Variants in ABCC1 observed in about 807,000 individuals in gnomAD.
ABCC1 encodes the protein ATP binding cassette subfamily C member 1 (ABCC1 blood group), also known as multidrug resistance-associated protein 1.
ABCC1 carries 83 observed loss-of-function variants against 172.9 expected under a neutral mutation model. That is an observed-to-expected ratio of 0.48 (90% CI 0.40 to 0.58). The LOEUF (loss-of-function observed/expected upper bound fraction) is 0.58, where lower values mean the gene tolerates loss of function less well. Ranked by LOEUF, ABCC1 falls within the 20% of genes least tolerant of loss-of-function variation. The probability of loss-of-function intolerance (pLI) is 0.00; values close to 1 mark genes in which losing one functional copy is unlikely to be tolerated. For missense variants in ABCC1, 1,817 were observed against 2,002.7 expected, an observed-to-expected ratio of 0.91 and a Z score of 1.77; for synonymous variants, 937 against 825.2, an observed-to-expected ratio of 1.14 and a Z score of -2.32.
At chr16:16,068,453 C>A in intron 13 of ABCC1, 151 bp downstream of exon 13, 1 of 902,968 alleles carries the variant, frequency 1.1e-6, no homozygotes, top group Non-Finnish European at 1.7e-6. Flanking sequence ...TTCGTCTGGT[C>A]ATGCCTGAAA....
In ABCC1 at chr16:16,106,871, C is replaced by T; in HGVS notation, c.2869C>T (p.Gln957Ter). 1 of 1,614,036 alleles carries T rather than the reference C, an allele frequency of 6.2e-7. No individual in the cohort carries two copies. Among genetic ancestry groups the T allele is most frequent in the Non-Finnish European group, 8.5e-7 (1 of 1,179,980 alleles). Residue 957 changes from glutamine (Q) to a stop codon, truncating the protein, a stop_gained and splice_region_variant, in exon 21 of 31, where the codon CAG becomes TAG. Coordinates refer to ENST00000399410, the MANE Select transcript of ABCC1 (RefSeq NM_004996.4). LOFTEE classifies it high-confidence loss of function. The stretch of plus-strand genomic sequence containing the variant: ...GGAGGCTGACAAGGCGCAGACAGGG[C>T]AGGTGAGATTCGCTCCTTAAGTGAT... The part of the protein sequence containing the change: ...LMEADKAQTG[Q>*]VKLSVYWDYM...
At chr16:16,070,778 C>T (rs929594155) in intron 13 of ABCC1, among the ~76,000 whole-genome samples, 4 of 152,194 alleles carry the variant, frequency 2.6e-5, no homozygotes, top group Admixed American at 2.6e-4. Flanking sequence ...CTAAACTCTG[C>T]TATCTATCCC....
intron 5 of ABCC1, among the ~76,000 whole-genome samples, chr16:16,021,057 C>T (rs1353610965): frequency 6.6e-6 from 1 of 152,168 alleles, no homozygotes; most frequent in Non-Finnish European, 1.5e-5. Flanking sequence ...CACCTTGTAA[C>T]CTCAGTGCCT....
chr16:15,978,210 A>T (rs2046535626), intron 1 of ABCC1, among the ~76,000 whole-genome samples: 1 of 152,030 alleles, frequency 6.6e-6, no homozygotes. Flanking sequence ...TCTCTTAAAA[A>T]AAATTTAGCT....
intron 12 of ABCC1, among the ~76,000 whole-genome samples, chr16:16,059,857 G>A (rs1596443185): frequency 1.3e-5 from 2 of 150,946 alleles, no homozygotes; most frequent in East Asian, 3.9e-4. Context: ...TTAGCCAGGT[G>A]TGGTGGAGCA....
chr16:15,987,641 C>T (rs929238653), intron 1 of ABCC1, among the ~76,000 whole-genome samples: 2 of 152,186 alleles, frequency 1.3e-5, no homozygotes, highest in Non-Finnish European at 2.9e-5. Flanking sequence ...CAAACTTGCC[C>T]CCACTTGAGA....
At chr16:16,110,074 C>T (rs2052319314) in intron 21 of ABCC1, among the ~76,000 whole-genome samples, 1 of 151,444 alleles carries the variant, frequency 6.6e-6, no homozygotes, top group East Asian at 1.9e-4. Context: ...GTTCTGCCAC[C>T]TTTTTTCCAT....
intron 1 of ABCC1, among the ~76,000 whole-genome samples, chr16:16,003,997 TTGGTGGGTGGG>T (rs1284191453): frequency 8.3e-6 from 1 of 121,036 alleles, no homozygotes. Flanking sequence ...GATGGATGCA[TTGGTGGGTGGG>T]TGGATGGATG....
chr16:16,114,411 G>A (rs2044753921), intron 22 of ABCC1, among the ~76,000 whole-genome samples: 2 of 151,744 alleles, frequency 1.3e-5, no homozygotes, highest in African/African-American at 4.8e-5. Context: ...CGCAGTCTTG[G>A]CTCACTGCAA....
chr16:16,131,659 C>G (rs575258555), intron 26 of ABCC1, 130 bp from the exon 27 acceptor site: 2 of 990,240 alleles, frequency 2.0e-6, no homozygotes, highest in African/African-American at 3.3e-5. Flanking sequence ...CCAGGAAGGG[C>G]AACCCCCCAG....
At chr16:16,047,765 G>A (rs1392894715) in intron 9 of ABCC1, among the ~76,000 whole-genome samples, 3 of 151,904 alleles carry the variant, frequency 2.0e-5, no homozygotes, top group Admixed American at 6.6e-5. Context: ...GCCTGGAAGC[G>A]TAGAAATGCA....
At chr16:16,054,793 G>A (rs1016375564) in intron 11 of ABCC1, among the ~76,000 whole-genome samples, 1 of 152,194 alleles carries the variant, frequency 6.6e-6, no homozygotes, top group African/African-American at 2.4e-5. Flanking sequence ...TGATTGTTAA[G>A]TGTCTGAATA....
At chr16:16,001,156 G>A (rs2047292802) in intron 1 of ABCC1, among the ~76,000 whole-genome samples, 1 of 152,128 alleles carries the variant, frequency 6.6e-6, no homozygotes, top group Non-Finnish European at 1.5e-5. Context: ...AGAAGTAGAT[G>A]GGACTTGAAT....
chr16:15,997,737 A>G (rs1219518614), intron 1 of ABCC1, among the ~76,000 whole-genome samples: 4 of 144,854 alleles, frequency 2.8e-5, no homozygotes, highest in African/African-American at 1.0e-4. Context: ...TACCTCCTGG[A>G]GTTGTTAAAG....
chr16:16,075,260 T>C (rs920011116), intron 14 of ABCC1, among the ~76,000 whole-genome samples: 1 of 151,802 alleles, frequency 6.6e-6, no homozygotes, highest in African/African-American at 2.4e-5. Context: ...TTGTTTTAAG[T>C]GAGAGACATG....
At chr16:16,058,794 C>T (rs1567357998) in intron 12 of ABCC1, among the ~76,000 whole-genome samples, 1 of 152,162 alleles carries the variant, frequency 6.6e-6, no homozygotes. Flanking sequence ...GGATTACAGG[C>T]ATGCAGCAAC....
At chr16:16,010,452 G>A (rs973894694) in intron 3 of ABCC1, among the ~76,000 whole-genome samples, 3 of 152,042 alleles carry the variant, frequency 2.0e-5, no homozygotes, top group African/African-American at 4.8e-5. Flanking sequence ...CTTTTGTTGC[G>A]TTTGCCACAC....
In ABCC1 at chr16:16,114,431, C is replaced by T. The variant is rs183938300; in HGVS notation, c.3080-335C>T. On this transcript the variant is annotated intron_variant, in intron 22 of 30. Coordinates refer to ENST00000399410, the MANE Select transcript of ABCC1 (RefSeq NM_004996.4). ...TCTTGGCTCACTGCAACCTCCACCTCCCGGATTCAAGCAATTCCCTTGCCT... is the reference window on the plus strand; with the variant it reads ...TCTTGGCTCACTGCAACCTCCACCTTCCGGATTCAAGCAATTCCCTTGCCT... Among the ~76,000 whole-genome samples, 5 of 152,026 alleles carry T rather than the reference C, an allele frequency of 3.3e-5. No homozygotes were observed. In the East Asian group the frequency reaches 7.8e-4, roughly 24 times the overall value.
intron 1 of ABCC1, among the ~76,000 whole-genome samples, chr16:15,954,460 G>A (rs1264150177): frequency 1.3e-5 from 2 of 152,142 alleles, no homozygotes; most frequent in African/African-American, 2.4e-5. Flanking sequence ...TCGTGGATGT[G>A]GACACTGAGG....
Sources: allele counts gnomAD v4.1 joint callset (sites outside exome capture counted in the v4.1 genomes callset), GRCh38; gene constraint gnomAD v4.1.1; transcripts MANE v1.5; gene names NCBI Gene and HGNC (gene_info 2026-07-23, HGNC 2026-07-21).